PCDH15: variants seen among roughly 807,000 people sequenced by gnomAD.
The protein encoded by PCDH15 is protocadherin-15.
A neutral mutation model predicts 178.5 loss-of-function variants in PCDH15; 129 were observed. The observed-to-expected ratio is 0.72, with a 90% CI of 0.63 to 0.84. The LOEUF is 0.84. Ranked by LOEUF, PCDH15 falls within the 40% of genes least tolerant of loss-of-function variation. PCDH15 has a pLI of 0.00. For synonymous variants in PCDH15, 800 were observed against 732.0 expected, an observed-to-expected ratio of 1.09 and a Z score of -1.50; for missense variants, 2,230 against 2,099.9, an observed-to-expected ratio of 1.06 and a Z score of -1.21.
chr10:54,014,796 G>A (rs1201939235), intron 20 of PCDH15, among the ~76,000 whole-genome samples: 1 of 152,102 alleles, frequency 6.6e-6, no homozygotes, highest in Admixed American at 6.6e-5. Context: ...CAAATGCACA[G>A]CCAACGTCAC....
chr10:55,526,538 T>C (rs893720446), intron 2 of PCDH15, among the ~76,000 whole-genome samples: 17 of 152,048 alleles, frequency 1.1e-4, no homozygotes, highest in African/African-American at 3.9e-4. Flanking sequence ...AACACCTTAT[T>C]GTGAGACTCT....
intron 2 of PCDH15, among the ~76,000 whole-genome samples, chr10:55,484,232 C>A (rs1428495021): frequency 6.6e-6 from 1 of 151,598 alleles, no homozygotes; most frequent in Non-Finnish European, 1.5e-5. Context: ...GTACAACAAG[C>A]CCCCATGACA....
rs186903454 is a variant in PCDH15, at chr10:55,048,086, C to G, written c.-80+118490G>C. On this transcript the variant is annotated intron_variant, in intron 2 of 5. Transcript: ENST00000458638. ...CAACAGGTGCTCATCAATACTGGCACTTTGAATGCTCTGATACTTCTTATA... is the reference window on the plus strand; with the variant it reads ...CAACAGGTGCTCATCAATACTGGCAGTTTGAATGCTCTGATACTTCTTATA... Among the ~76,000 whole-genome samples the G allele has an allele frequency of 1.1e-4, 16 of 151,876 alleles. No individual in the cohort carries two copies. In the East Asian group the frequency reaches 2.7e-3, roughly 26 times the overall value.
chr10:54,872,318 T>C (rs963376758), intron 3 of PCDH15, among the ~76,000 whole-genome samples: 2 of 151,938 alleles, frequency 1.3e-5, no homozygotes, highest in Non-Finnish European at 2.9e-5. Context: ...TCTCAGAAAA[T>C]ACTAGAGCTG....
chr10:54,839,347 G>C (rs997384340), intron 3 of PCDH15, among the ~76,000 whole-genome samples: 3 of 152,022 alleles, frequency 2.0e-5, no homozygotes, highest in African/African-American at 7.2e-5. Context: ...TAGAAATCTT[G>C]AATATCTGAA....
At chr10:54,476,798 A>G (rs1260318229) in intron 3 of PCDH15, among the ~76,000 whole-genome samples, 1 of 152,134 alleles carries the variant, frequency 6.6e-6, no homozygotes, top group African/African-American at 2.4e-5. Context: ...CTATGAATGA[A>G]CAAGCATACA....
At chr10:53,956,151 T>C (rs1188553626) in intron 23 of PCDH15, among the ~76,000 whole-genome samples, 2 of 152,162 alleles carry the variant, frequency 1.3e-5, no homozygotes, top group Non-Finnish European at 2.9e-5. Context: ...TTATATTAGT[T>C]GAAACAACAG....
intron 3 of PCDH15, among the ~76,000 whole-genome samples, chr10:54,475,672 A>G (rs2078227338): frequency 6.6e-6 from 1 of 151,844 alleles, no homozygotes; most frequent in Non-Finnish European, 1.5e-5. Context: ...AATCAGTGTC[A>G]TTTATTATCA....
intron 2 of PCDH15, among the ~76,000 whole-genome samples, chr10:54,943,804 A>C (rs1044536954): frequency 2.0e-5 from 3 of 151,820 alleles, no homozygotes; most frequent in African/African-American, 7.2e-5. Context: ...CACGATCTTA[A>C]GAACCAGGCT....
At chr10:53,850,301 C>A (rs2078274498) in intron 28 of PCDH15, among the ~76,000 whole-genome samples, 1 of 152,072 alleles carries the variant, frequency 6.6e-6, no homozygotes, top group African/African-American at 2.4e-5. Context: ...GATGCTACTG[C>A]AATGTGCACA....
chr10:54,098,780 G>C (rs530998945), intron 15 of PCDH15, among the ~76,000 whole-genome samples: 2 of 152,122 alleles, frequency 1.3e-5, no homozygotes, highest in East Asian at 3.9e-4. Flanking sequence ...TTGATACTTA[G>C]AATCTAATTA....
chr10:54,768,638 T>C (rs1948765789), intron 1 of PCDH15, among the ~76,000 whole-genome samples: 1 of 152,160 alleles, frequency 6.6e-6, no homozygotes, highest in South Asian at 2.1e-4. Context: ...CCCAAATAAT[T>C]GGAATCTGAC....
At chr10:55,102,190 T>C (rs942132976) in intron 2 of PCDH15, among the ~76,000 whole-genome samples, 3 of 152,104 alleles carry the variant, frequency 2.0e-5, no homozygotes, top group African/African-American at 7.2e-5. Flanking sequence ...GTTTTCAGTA[T>C]GTTTTTTCCC....
chr10:55,256,308 G>A (rs1841997390), intron 1 of PCDH15, among the ~76,000 whole-genome samples: 1 of 152,174 alleles, frequency 6.6e-6, no homozygotes, highest in South Asian at 2.1e-4. Flanking sequence ...CGAGGCAGAA[G>A]ACGGGTGATT....
chr10:55,549,256 A>G (rs1289533454), intron 2 of PCDH15, among the ~76,000 whole-genome samples: 1 of 152,148 alleles, frequency 6.6e-6, no homozygotes, highest in Non-Finnish European at 1.5e-5. Context: ...CTCTAATAAT[A>G]TTAACAATAA....
chr10:54,446,139 A>G (rs1046586084), intron 3 of PCDH15, among the ~76,000 whole-genome samples: 6 of 151,708 alleles, frequency 4.0e-5, no homozygotes, highest in African/African-American at 1.4e-4. Context: ...TTCCAAAAAC[A>G]AACTAGTACA....
intron 2 of PCDH15, among the ~76,000 whole-genome samples, chr10:55,006,684 G>T (rs926618932): frequency 1.3e-5 from 2 of 152,182 alleles, no homozygotes; most frequent in Non-Finnish European, 2.9e-5. Flanking sequence ...CGCAGGCTGG[G>T]CAGAGCTGCT....
At chr10:54,471,463 T>C (rs1434545405) in intron 3 of PCDH15, among the ~76,000 whole-genome samples, 1 of 152,176 alleles carries the variant, frequency 6.6e-6, no homozygotes, top group African/African-American at 2.4e-5. Context: ...CATGCAATCA[T>C]TTAGCAATTA....
At chr10:54,955,453 A>G (rs1838461198) in intron 2 of PCDH15, among the ~76,000 whole-genome samples, 1 of 151,404 alleles carries the variant, frequency 6.6e-6, no homozygotes, top group South Asian at 2.1e-4. Flanking sequence ...ATATTTTTAG[A>G]TTGATGTTCA....
Sources: allele counts gnomAD v4.1 joint callset (sites outside exome capture counted in the v4.1 genomes callset), GRCh38; gene constraint gnomAD v4.1.1; transcripts MANE v1.5; gene names NCBI Gene and HGNC (gene_info 2026-07-23, HGNC 2026-07-21).